TTC39B: variants seen among roughly 807,000 people sequenced by gnomAD.
TTC39B encodes tetratricopeptide repeat domain 39B.
A neutral mutation model predicts 96.6 loss-of-function variants in TTC39B; 92 were observed. The ratio of observed to expected loss-of-function variants is 0.95; its 90% CI spans 0.80 to 1.13. The LOEUF (loss-of-function observed/expected upper bound fraction) is 1.13. Ranked by LOEUF, TTC39B falls within the 50% of genes most tolerant of loss-of-function variation. The pLI is 0.00. For synonymous variants in TTC39B, 367 were observed against 299.4 expected (o/e 1.23, Z -2.33); for missense variants, 955 against 809.3 (o/e 1.18, Z -2.18).
At chr9:15,216,076 G>C (rs1820500209) in intron 3 of TTC39B, among the ~76,000 whole-genome samples, 2 of 152,098 alleles carry the variant, frequency 1.3e-5, no homozygotes, top group Non-Finnish European at 2.9e-5. Context: ...GCTCCTTCTT[G>C]TTATTCAGAT....
intron 3 of TTC39B, among the ~76,000 whole-genome samples, chr9:15,216,433 G>A (rs1372495504): frequency 6.6e-6 from 1 of 152,194 alleles, no homozygotes; most frequent in Non-Finnish European, 1.5e-5. Flanking sequence ...GCTCTTGATG[G>A]AGGGCTAAGA....
intron 19 of TTC39B, among the ~76,000 whole-genome samples, chr9:15,173,953 C>A (rs190775768): frequency 8.2e-4 from 125 of 152,278 alleles, no homozygotes; most frequent in African/African-American, 2.9e-3. Context: ...GTGGCTCAAC[C>A]TCCTCAATGC....
At chr9:15,291,504 G>T (rs1824189300) in intron 1 of TTC39B, among the ~76,000 whole-genome samples, 1 of 152,148 alleles carries the variant, frequency 6.6e-6, no homozygotes, top group African/African-American at 2.4e-5. Flanking sequence ...CCCAGTCTCA[G>T]GTATGTCTTT....
intron 1 of TTC39B, among the ~76,000 whole-genome samples, chr9:15,297,679 T>C (rs1824429770): frequency 6.6e-6 from 1 of 152,114 alleles, no homozygotes; most frequent in African/African-American, 2.4e-5. Flanking sequence ...CCAATAATCA[T>C]TCAACAAACA....
At chr9:15,188,683 T>C (rs1025858748) in intron 13 of TTC39B, among the ~76,000 whole-genome samples, 1 of 152,072 alleles carries the variant, frequency 6.6e-6, no homozygotes, top group Non-Finnish European at 1.5e-5. Context: ...AGATTCTCAT[T>C]TTTAGCCATC....
At chr9:15,268,266 A>T (rs558188001) in intron 1 of TTC39B, among the ~76,000 whole-genome samples, 27 of 152,250 alleles carry the variant, frequency 1.8e-4, no homozygotes, top group African/African-American at 6.3e-4. Context: ...CTTCCCAACT[A>T]TAGAGTAAAA....
At chr9:15,295,322 C>T (rs1254131789) in intron 1 of TTC39B, among the ~76,000 whole-genome samples, 1 of 152,170 alleles carries the variant, frequency 6.6e-6, no homozygotes, top group Non-Finnish European at 1.5e-5. Context: ...TCCAATTAAA[C>T]TTTATTTACA....
chr9:15,201,412 G>A (rs517928), intron 7 of TTC39B, among the ~76,000 whole-genome samples: 26,142 of 152,130 alleles, frequency 0.17, 2,423 homozygotes, highest in African/African-American at 0.22. Context: ...CCATGCACGG[G>A]GACGGGATCA....
chr9:15,260,524 A>G (rs1342102722), intron 2 of TTC39B, among the ~76,000 whole-genome samples: 2 of 152,298 alleles, frequency 1.3e-5, no homozygotes, highest in Admixed American at 6.5e-5. Flanking sequence ...CACTCTGAAG[A>G]AAAATATCAG....
At chr9:15,222,132 A>C (rs1820878424) in intron 3 of TTC39B, among the ~76,000 whole-genome samples, 1 of 152,202 alleles carries the variant, frequency 6.6e-6, no homozygotes, top group Non-Finnish European at 1.5e-5. Context: ...CGTAGTTGTT[A>C]AACTAAGAGG....
rs1246568670 is a variant in TTC39B at position 15,237,605 on chromosome 9, A to G, written c.276-11593T>C. ...AGAAAGAAAAAGAAATCCCAAGCAG[A>G]CCAATAATAAGTAAGTAATGAAATT... On this transcript the variant is annotated intron_variant, in intron 2 of 19. Coordinates refer to ENST00000512701, the Ensembl canonical transcript of TTC39B. 2.0e-5 allele frequency among the ~76,000 whole-genome samples: 3 copies of G among 151,972 alleles called. No homozygotes were observed. In the East Asian group the frequency reaches 5.8e-4, roughly 29 times the overall value.
intron 11 of TTC39B, 84 bp from the exon 12 acceptor site, chr9:15,189,876 G>C: frequency 2.4e-6 from 2 of 842,194 alleles, no homozygotes; most frequent in Non-Finnish European, 3.9e-6. Context: ...TTAACATACA[G>C]TAAAGACCTA....
At chr9:15,241,867 T>C (rs1345769966) in intron 2 of TTC39B, among the ~76,000 whole-genome samples, 1 of 151,554 alleles carries the variant, frequency 6.6e-6, no homozygotes, top group African/African-American at 2.4e-5. Flanking sequence ...CTCAGCCTCC[T>C]GAATAGCTGG....
intron 3 of TTC39B, among the ~76,000 whole-genome samples, chr9:15,217,064 G>T (rs1293772165): frequency 6.6e-6 from 1 of 152,150 alleles, no homozygotes; most frequent in African/African-American, 2.4e-5. Context: ...GAGGGCAGAG[G>T]GGGGATTCTA....
At chr9:15,257,037 C>A (rs866894458) in intron 2 of TTC39B, among the ~76,000 whole-genome samples, 4 of 152,170 alleles carry the variant, frequency 2.6e-5, no homozygotes, top group African/African-American at 4.8e-5. Context: ...ATGAGACAGT[C>A]GGAGAAATTT....
chr9:15,278,031 G>C (rs573615678), intron 1 of TTC39B, among the ~76,000 whole-genome samples: 1 of 152,264 alleles, frequency 6.6e-6, no homozygotes, highest in African/African-American at 2.4e-5. Context: ...GTATAGCATT[G>C]CTTTAGTTTC....
chr9:15,296,313 C>A (rs995623830), intron 1 of TTC39B, among the ~76,000 whole-genome samples: 1 of 152,146 alleles, frequency 6.6e-6, no homozygotes, highest in African/African-American at 2.4e-5. Context: ...CCTTAACCAC[C>A]CACTGCATTT....
chr9:15,230,356 T>C (rs1306637240), intron 2 of TTC39B, among the ~76,000 whole-genome samples: 1 of 152,208 alleles, frequency 6.6e-6, no homozygotes, highest in East Asian at 1.9e-4. Context: ...CCAAAATGTA[T>C]CCATATATTA....
chr9:15,238,979 T>A (rs1564378151), intron 2 of TTC39B, among the ~76,000 whole-genome samples: 2 of 152,188 alleles, frequency 1.3e-5, no homozygotes, highest in Non-Finnish European at 1.5e-5. Flanking sequence ...AGTGAGACCC[T>A]GTCTCAAAAA....
Sources: allele counts gnomAD v4.1 joint callset (sites outside exome capture counted in the v4.1 genomes callset), GRCh38; gene constraint gnomAD v4.1.1; transcripts MANE v1.5; gene names NCBI Gene and HGNC (gene_info 2026-07-23, HGNC 2026-07-21).